THAP9: variants seen among roughly 807,000 people sequenced by gnomAD.
The protein encoded by THAP9 is DNA transposase THAP9.
A neutral mutation model predicts 35.7 loss-of-function variants in THAP9; 20 were observed. The observed-to-expected ratio is 0.56, with a 90% confidence interval of 0.39 to 0.81. The LOEUF (loss-of-function observed/expected upper bound fraction) is 0.81. THAP9 is among the 40% of genes least tolerant of loss of function. The pLI, the probability that THAP9 is intolerant of heterozygous loss-of-function variation, is 0.00. For synonymous variants in THAP9, 335 were observed against 373.7 expected, an observed-to-expected ratio of 0.90 and a Z score of 1.19; for missense variants, 870 against 1,047.4, an observed-to-expected ratio of 0.83 and a Z score of 2.34.
intron 4 of THAP9, among the ~76,000 whole-genome samples, chr4:82,916,033 C>T (rs1381210884): frequency 2.0e-5 from 3 of 152,126 alleles, no homozygotes; most frequent in African/African-American, 7.2e-5. Flanking sequence ...ACATTAAACT[C>T]TCAATTAAGT....
chr4:82,906,599 A>G lies in THAP9; in HGVS notation c.552A>G (p.Thr184=). The change falls in exon 3 of 5, where the codon ACA becomes ACG. Residue 184 remains threonine (T), a synonymous_variant. Coordinates refer to ENST00000302236, the MANE Select transcript of THAP9 (RefSeq NM_024672.6). The stretch of plus-strand genomic sequence containing the variant: ...AAGAGAAACTACTTTCTGAAGAAAC[A>G]GAGTGTCTGCTACGAGCTCAATTTT... ...LVEEKLLSEE[T]ECLLRAQFSD... 1 of 1,607,630 alleles carries G rather than the reference A, an allele frequency of 6.2e-7. No homozygotes were observed. Among genetic ancestry groups the G allele is most frequent in the Non-Finnish European group, 8.5e-7 (1 of 1,176,622 alleles).
intron 4 of THAP9, among the ~76,000 whole-genome samples, chr4:82,914,531 A>G (rs1188055260): frequency 6.6e-6 from 1 of 152,176 alleles, no homozygotes; most frequent in Admixed American, 6.6e-5. Flanking sequence ...CTGGTGTGGG[A>G]TAGTATCTCA....
intron 4 of THAP9, among the ~76,000 whole-genome samples, chr4:82,909,637 T>C (rs1257501011): frequency 5.3e-5 from 8 of 152,214 alleles, no homozygotes; most frequent in African/African-American, 1.9e-4. Context: ...TGGACATTTC[T>C]ATTGTTTACA....
At chr4:82,916,854 A>T (rs750781740) in intron 4 of THAP9, 90 bp from the exon 5 acceptor site, 1 of 1,150,102 alleles carries the variant, frequency 8.7e-7, no homozygotes, top group Admixed American at 2.7e-5. Flanking sequence ...TTCTACAGGG[A>T]TGGGAGACTA....
In THAP9 at chr4:82,917,849, T is replaced by C; in HGVS notation, c.1637T>C (p.Val546Ala). 1.9e-6 allele frequency: 3 copies of C among 1,613,322 alleles called. No individual in the cohort carries two copies. The highest frequency in any genetic ancestry group is 2.5e-6 in the Non-Finnish European group (3 of 1,179,908). The change falls in exon 5 of 5, where the codon GTG becomes GCG. Residue 546 changes from valine (V) to alanine (A), a missense_variant. Transcript: ENST00000302236. ...LPETYSKINHVLIEAKTIFVT... is the reference protein window; with the variant it reads ...LPETYSKINHALIEAKTIFVT... ...GAAACTTACAGTAAAATAAACCACG[T>C]GTTAATTGAAGCCAAGACTATTTTT...
intron 4 of THAP9, chr4:82,910,692 A>G (rs982614124): frequency 5.0e-6 from 3 of 599,254 alleles, no homozygotes; most frequent in Admixed American, 4.7e-5. Context: ...ATATTTATTG[A>G]TCAGGAGCGG....
chr4:82,902,440 G>T (rs1720462404), intron 1 of THAP9, among the ~76,000 whole-genome samples: 2 of 152,048 alleles, frequency 1.3e-5, no homozygotes, highest in Admixed American at 6.6e-5. Flanking sequence ...ACTGTTTGGG[G>T]CTGCCTTCAA....
intron 4 of THAP9, among the ~76,000 whole-genome samples, chr4:82,911,469 C>T (rs145657944): frequency 1.1e-4 from 17 of 152,250 alleles, no homozygotes; most frequent in Non-Finnish European, 2.1e-4. Context: ...TGGCAGGCAC[C>T]TGTAGTCCCA....
intron 4 of THAP9, among the ~76,000 whole-genome samples, chr4:82,912,643 A>G (rs530367319): frequency 6.6e-6 from 1 of 152,356 alleles, no homozygotes; most frequent in South Asian, 2.1e-4. Context: ...GAATTGCACA[A>G]TTATGTGCAG....
Position 82,917,374 on chromosome 4 carries a change from A to G in THAP9, c.1162A>G (p.Ile388Val). 2 of 1,613,624 alleles carry G rather than the reference A, an allele frequency of 1.2e-6. No individual in the cohort carries two copies. Among genetic ancestry groups the G allele is most frequent in the Non-Finnish European group, 1.7e-6 (2 of 1,179,692 alleles). ...HSVQMAKALG[I>V]HIDGDDMKCT... ...TGTTCAGATGGCAAAAGCATTGGGGATACATATTGATGGAGACGACATGAA... is the reference window on the plus strand; with the variant it reads ...TGTTCAGATGGCAAAAGCATTGGGGGTACATATTGATGGAGACGACATGAA... The change falls in exon 5 of 5, where the codon ATA (isoleucine) becomes GTA (valine). Residue 388 changes from isoleucine to valine, a missense_variant. By Grantham distance (29) the Ile-to-Val change is conservative. This residue lies in a region of THAP9 where 440 missense variants were observed against 501.2 expected (regional missense o/e 0.88). Coordinates refer to ENST00000302236, the MANE Select transcript of THAP9 (RefSeq NM_024672.6).
At chr4:82,904,994 A>G in intron 2 of THAP9, 63 bp downstream of exon 2, 1 of 1,500,414 alleles carries the variant, frequency 6.7e-7, no homozygotes, top group South Asian at 1.2e-5. Context: ...AAATCAAGAT[A>G]GCCCCCATTA....
chr4:82,914,363 TA>T (rs1720971606), intron 4 of THAP9, among the ~76,000 whole-genome samples: 1 of 152,246 alleles, frequency 6.6e-6, no homozygotes, highest in African/African-American at 2.4e-5. Context: ...GATTGCTGGA[TA>T]AAATCATAGT....
In THAP9 at chr4:82,918,595, A is replaced by G; in HGVS notation, c.2383A>G (p.Arg795Gly). The part of the protein sequence containing the change: ...MAIFELVSKQ[R>G]ELYLQQKILC... The stretch of plus-strand genomic sequence containing the variant: ...AATTTTTGAACTAGTTTCTAAACAA[A>G]GGGAATTGTATCTTCAACAGAAAAT... Residue 795 changes from arginine to glycine, a missense_variant, in exon 5 of 5, where the codon AGG (arginine) becomes GGG (glycine). Physicochemically the swap from Arg to Gly is moderately radical, Grantham distance 125 (BLOSUM62 -2). Transcript: ENST00000302236. 6.2e-7 allele frequency: 1 copy of G among 1,614,080 alleles called. No homozygotes were observed. Among genetic ancestry groups the G allele is most frequent in the Non-Finnish European group, 8.5e-7 (1 of 1,179,958 alleles).
intron 2 of THAP9, 141 bp downstream of exon 2, chr4:82,905,072 A>T (rs1050894710): frequency 2.9e-5 from 19 of 656,050 alleles, no homozygotes; most frequent in Non-Finnish European, 4.4e-5. Context: ...TGCTTTGAAA[A>T]TTTAAAAAAA....
rs774309577 is a variant in THAP9, at chr4:82,900,784, G to C, written c.-19G>C. 6 of 1,613,596 alleles carry C rather than the reference G, an allele frequency of 3.7e-6. No homozygotes were observed. The Admixed American group carries it at 1.0e-4, about 27-fold the overall frequency. ...GCTGTCGCGGGAACCCCGAAGGTGG[G>C]GCCCCACGTAACAAGAAGATGACCC... On this transcript the variant is annotated 5_prime_UTR_variant, in exon 1 of 5. Transcript: ENST00000302236.
chr4:82,918,240 T>A lies in THAP9; in HGVS notation c.2028T>A (p.Arg676=), dbSNP rs758554792. Residue 676 remains arginine (R), a synonymous_variant, in exon 5 of 5, where the codon CGT becomes CGA. Coordinates refer to ENST00000302236, the MANE Select transcript of THAP9 (RefSeq NM_024672.6). The part of the protein sequence containing the change: ...RKDLALWTVQ[R]QYGVSVTKTV... ...ACTTGGCGCTTTGGACAGTTCAACG[T>A]CAGTATGGTGTCAGCGTTACAAAGA... The A allele has an allele frequency of 6.8e-6, 11 of 1,614,192 alleles. No homozygotes were observed. In the South Asian group the frequency reaches 1.2e-4, roughly 18 times the overall value.
intron 2 of THAP9, among the ~76,000 whole-genome samples, chr4:82,905,467 T>A (rs1272565897): frequency 6.6e-6 from 1 of 152,194 alleles, no homozygotes; most frequent in Non-Finnish European, 1.5e-5. Context: ...ACATGGGCTT[T>A]CACTTTCTGC....
chr4:82,908,495 T>C (rs1720743507), intron 4 of THAP9, among the ~76,000 whole-genome samples: 1 of 152,256 alleles, frequency 6.6e-6, no homozygotes, highest in South Asian at 2.1e-4. Context: ...ATAATTCTCT[T>C]AGTGTGCAGC....
chr4:82,907,753 A>C (rs936991736), intron 3 of THAP9, 32 bp from the exon 4 acceptor site: 1 of 1,517,566 alleles, frequency 6.6e-7, no homozygotes, highest in Non-Finnish European at 8.9e-7. Flanking sequence ...TTTACTATTC[A>C]TCACAAAGAA....
Sources: allele counts gnomAD v4.1 joint callset (sites outside exome capture counted in the v4.1 genomes callset), GRCh38; gene constraint gnomAD v4.1.1; regional missense constraint gnomAD v4.1.1; transcripts MANE v1.5; gene names NCBI Gene and HGNC (gene_info 2026-07-23, HGNC 2026-07-21).